The following C12orf42 variants were observed in gnomAD, a reference collection of about 807,000 sequenced individuals.
C12orf42 encodes uncharacterized protein C12orf42.
A neutral mutation model predicts 21.6 loss-of-function variants in C12orf42; 25 were observed. That is an observed-to-expected ratio of 1.16 (90% CI 0.84 to 1.62). C12orf42 has a LOEUF of 1.62. C12orf42 is among the 40% of genes most tolerant of loss of function. The pLI is 0.00. For synonymous variants in C12orf42, 174 were observed against 175.0 expected (o/e 0.99, Z 0.05); for missense variants, 483 against 459.3 (o/e 1.05, Z -0.47).
chr12:103,149,096 C>T, the C12orf42 span, among the ~76,000 whole-genome samples: 3 of 152,136 alleles, frequency 2.0e-5, no homozygotes, highest in African/African-American at 7.2e-5. Flanking sequence ...ATTTACTTGT[C>T]TTCAGAAATC....
the C12orf42 span, among the ~76,000 whole-genome samples, chr12:103,166,076 A>AGAAGGAAGGAAGGAAGGAAGGAAG: frequency 5.3e-5 from 8 of 150,922 alleles, no homozygotes; most frequent in South Asian, 1.5e-3. Context: ...AGAGAGAGAG[A>AGAAGGAAGGAAGGAAGGAAGGAAG]GAAGGAAGGA....
At chr12:103,150,944 G>C in the C12orf42 span, among the ~76,000 whole-genome samples, 1 of 152,204 alleles carries the variant, frequency 6.6e-6, no homozygotes, top group African/African-American at 2.4e-5. Flanking sequence ...GGAAGGGAGT[G>C]TATCTGTTTT....
the C12orf42 span, among the ~76,000 whole-genome samples, chr12:103,076,251 G>T: frequency 6.7e-6 from 1 of 150,154 alleles, no homozygotes; most frequent in East Asian, 1.9e-4. Context: ...TAATAATAAA[G>T]AAATCAACAT....
At chr12:103,483,529 A>C (rs1245194664) in intron 1 of C12orf42, among the ~76,000 whole-genome samples, 5 of 152,166 alleles carry the variant, frequency 3.3e-5, no homozygotes, top group African/African-American at 1.2e-4. Flanking sequence ...AGCATTTATG[A>C]GAGCTGGCTT....
At chr12:103,152,328 T>C in the C12orf42 span, among the ~76,000 whole-genome samples, 1 of 152,194 alleles carries the variant, frequency 6.6e-6, no homozygotes, top group Non-Finnish European at 1.5e-5. Flanking sequence ...TTTATGGTAA[T>C]TTGTTATGCA....
chr12:103,059,744 C>G, the C12orf42 span, among the ~76,000 whole-genome samples: 3 of 152,168 alleles, frequency 2.0e-5, no homozygotes, highest in Non-Finnish European at 4.4e-5. Context: ...AGGATTATCT[C>G]AGTAAATGCA....
the C12orf42 span, among the ~76,000 whole-genome samples, chr12:103,064,518 G>A: frequency 2.6e-5 from 4 of 152,184 alleles, no homozygotes; most frequent in African/African-American, 9.7e-5. Flanking sequence ...AAAACTTCCA[G>A]GTCAAATGGA....
chr12:103,474,596 G>A (rs1271587503), intron 2 of C12orf42, among the ~76,000 whole-genome samples: 2 of 152,070 alleles, frequency 1.3e-5, no homozygotes, highest in Admixed American at 6.5e-5. Flanking sequence ...GTTTGTAAAT[G>A]TAAAATTAGT....
In C12orf42 at chr12:103,258,142, T is replaced by C. The variant is rs572389730; in HGVS notation, c.*1366+5184A>G. On this transcript the variant is annotated intron_variant and NMD_transcript_variant, in intron 10 of 10. Transcript: ENST00000547347. ...AGAGAATAAAAGATACACACAAACT[T>C]TCATCAACATTCAAGACTACATGGA... is the stretch of plus-strand genomic sequence containing the variant. Among the ~76,000 whole-genome samples the C allele has an allele frequency of 1.4e-4, 21 of 152,172 alleles. No individual in the cohort carries two copies. The South Asian group carries it at 4.2e-3, about 30-fold the overall frequency.
intron 2 of C12orf42, among the ~76,000 whole-genome samples, chr12:103,445,073 C>G (rs1951496031): frequency 6.6e-6 from 1 of 152,038 alleles, no homozygotes; most frequent in African/African-American, 2.4e-5. Flanking sequence ...TTGATACTTC[C>G]TGTGTACTGC....
At chr12:103,195,539 G>C in the C12orf42 span, among the ~76,000 whole-genome samples, 1 of 152,052 alleles carries the variant, frequency 6.6e-6, no homozygotes, top group African/African-American at 2.4e-5. Context: ...TTTATATTAT[G>C]ATTATTGATG....
At chr12:103,446,721 G>GA (rs894001531) in intron 2 of C12orf42, among the ~76,000 whole-genome samples, 4 of 151,560 alleles carry the variant, frequency 2.6e-5, no homozygotes, top group African/African-American at 9.7e-5. Flanking sequence ...TCTTATATCA[G>GA]AAAAAAACAG....
At chr12:103,305,930 C>A in intron 5 of C12orf42, 44 bp downstream of exon 5, 1 of 1,551,050 alleles carries the variant, frequency 6.4e-7, no homozygotes. Flanking sequence ...CAAAATGTGA[C>A]CAGTTGAAAC....
At chr12:103,074,466 T>C in the C12orf42 span, among the ~76,000 whole-genome samples, 1,780 of 152,144 alleles carry the variant, frequency 0.012, 40 homozygotes, top group African/African-American at 0.041. Context: ...CCTCCAAATA[T>C]TATCAAACAG....
At chr12:103,078,610 T>C in the C12orf42 span, among the ~76,000 whole-genome samples, 1 of 152,244 alleles carries the variant, frequency 6.6e-6, no homozygotes, top group South Asian at 2.1e-4. Flanking sequence ...ATAGTGGATC[T>C]ATGGTAATCC....
At chr12:103,064,013 C>T in the C12orf42 span, among the ~76,000 whole-genome samples, 1 of 152,158 alleles carries the variant, frequency 6.6e-6, no homozygotes, top group African/African-American at 2.4e-5. Flanking sequence ...ATGTGGCCCA[C>T]TGTGAGCCAG....
chr12:103,147,469 A>T, the C12orf42 span, among the ~76,000 whole-genome samples: 91 of 136,932 alleles, frequency 6.6e-4, no homozygotes, highest in African/African-American at 1.6e-3. Context: ...ACAGAGGTTA[A>T]TTTTTTTTAA....
At chr12:103,431,270 T>C (rs1950244870) in intron 2 of C12orf42, 2 of 152,160 alleles carry the variant, frequency 1.3e-5, no homozygotes, top group Admixed American at 1.3e-4. Flanking sequence ...AAACTGTGTC[T>C]CAGAGACATT....
the C12orf42 span, among the ~76,000 whole-genome samples, chr12:103,146,220 C>T: frequency 3.3e-5 from 5 of 151,660 alleles, no homozygotes; most frequent in African/African-American, 4.8e-5. Context: ...GTGGCTCATG[C>T]CTGTAATCCC....
Sources: gnomAD v4.1 joint callset for allele counts (sites outside exome capture counted in the v4.1 genomes callset) on GRCh38, gnomAD v4.1.1 for gene constraint, MANE v1.5 for transcripts, NCBI Gene and HGNC (gene_info 2026-07-23, HGNC 2026-07-21) for gene names.